The following CREBRF variants were observed in gnomAD, a reference collection of about 807,000 sequenced individuals.
The protein encoded by CREBRF is UPF0474 protein C5orf41.
A neutral mutation model predicts 66.1 loss-of-function variants in CREBRF; 5 were observed. The observed-to-expected ratio is 0.08, with a 90% CI of 0.04 to 0.16. The LOEUF (loss-of-function observed/expected upper bound fraction) is 0.16, where lower values mean the gene tolerates loss of function less well. CREBRF is among the 10% of genes least tolerant of loss of function. The pLI is 1.00. For synonymous variants in CREBRF, 229 were observed against 264.4 expected (o/e 0.87, Z 1.30); for missense variants, 531 against 744.9 (o/e 0.71, Z 3.34).
At chr5:173,100,131 A>ATTT (rs1184133658) in intron 4 of CREBRF, among the ~76,000 whole-genome samples, 9 of 42,868 alleles carry the variant, frequency 2.1e-4, no homozygotes, top group Admixed American at 5.1e-4. Flanking sequence ...TATATATATA[A>ATTT]TTTTTTTTTT....
At chr5:173,117,205 C>T (rs1292598633) in intron 7 of CREBRF, among the ~76,000 whole-genome samples, 1 of 151,904 alleles carries the variant, frequency 6.6e-6, no homozygotes, top group African/African-American at 2.4e-5. Context: ...ATAGTGAAAT[C>T]CCATTTCTAC....
At chr5:173,110,012 A>G (rs1442161646) in intron 5 of CREBRF, 4 of 196,630 alleles carry the variant, frequency 2.0e-5, no homozygotes, top group Non-Finnish European at 4.2e-5. Context: ...CAAAGCAACA[A>G]AAGAAGAGCT....
At chr5:173,100,354 T>C (rs903126615) in intron 4 of CREBRF, among the ~76,000 whole-genome samples, 8 of 151,902 alleles carry the variant, frequency 5.3e-5, no homozygotes, top group African/African-American at 1.7e-4. Context: ...CATACCACTG[T>C]TACAGTATTA....
chr5:173,082,908 C>CAAAA lies in CREBRF; in HGVS notation c.9+2159_9+2162dup, dbSNP rs70984937. On this transcript the variant is annotated intron_variant, in intron 2 of 8. Transcript: ENST00000296953. Reference sequence around the variant, plus strand: ...TGAGCGACGGAGCGAGACTCTGTCTCAAAAAAAAAAAAAAAAAAAAAAAAA... The same window carrying CAAAA: ...TGAGCGACGGAGCGAGACTCTGTCTCAAAAAAAAAAAAAAAAAAAAAAAAAAAAA... Among the ~76,000 whole-genome samples the CAAAA allele has an allele frequency of 2.4e-4, 7 of 29,018 alleles. 2 individuals carry two copies. The highest frequency in any genetic ancestry group is 3.0e-4 in the Non-Finnish European group (5 of 16,430). The allele number at this position is 29,018 out of a possible 152,430, so 19.0% of individuals were successfully genotyped here. A position where few individuals can be genotyped will look rare whatever the true frequency, so the allele number is the denominator to read the frequency against.
intron 1 of CREBRF, among the ~76,000 whole-genome samples, chr5:173,075,515 AAAAGG>A (rs1263624775): frequency 6.6e-6 from 1 of 152,186 alleles, no homozygotes; most frequent in African/African-American, 2.4e-5. Context: ...AGTAGTTTTC[AAAAGG>A]AAAGGAAAGG....
At chr5:173,125,502 T>C (rs564378443) in intron 8 of CREBRF, among the ~76,000 whole-genome samples, 36 of 152,204 alleles carry the variant, frequency 2.4e-4, no homozygotes, top group Non-Finnish European at 4.6e-4. Flanking sequence ...TCCTCTGAAC[T>C]TTTAAAAGAA....
chr5:173,057,660 G>A (rs1326702780), intron 1 of CREBRF: 1 of 152,208 alleles, frequency 6.6e-6, no homozygotes, highest in East Asian at 1.9e-4. Flanking sequence ...GAGCTGGCTT[G>A]AGCCTTAAGA....
chr5:173,112,941 A>G (rs1758903088), intron 7 of CREBRF, among the ~76,000 whole-genome samples: 1 of 152,224 alleles, frequency 6.6e-6, no homozygotes, highest in Admixed American at 6.5e-5. Context: ...TCTGAATTAG[A>G]TTGTGTACAA....
At chr5:173,086,402 G>T (rs1758148909) in intron 2 of CREBRF, 99 bp from the exon 3 acceptor site, 8 of 1,078,628 alleles carry the variant, frequency 7.4e-6, no homozygotes, top group Non-Finnish European at 1.1e-5. Context: ...TTTCTGAAAA[G>T]AATAAGTTAC....
At position 173,082,003 on chromosome 5, in the gene CREBRF, G is replaced by GTTT. The variant is rs869148787; in HGVS notation, c.9+1245_9+1247dup. On this transcript the variant is annotated intron_variant, in intron 2 of 8. Coordinates refer to ENST00000296953, the MANE Select transcript of CREBRF (RefSeq NM_153607.3). ...AGAGTGGTTGCCCATTCAAGGTTTA[G>GTTT]TTTTTTTTTTTTTTTTTTTTTTTTT... Among the ~76,000 whole-genome samples the GTTT allele has an allele frequency of 4.4e-4, 34 of 78,074 alleles. 1 individual carries two copies. The highest frequency in any genetic ancestry group is 1.0e-3 in the African/African-American group (21 of 20,432). 51.2% of individuals were successfully genotyped at this position (78,074 alleles called of 152,430 possible). A position where few individuals can be genotyped will look rare whatever the true frequency, so the allele number is the denominator to read the frequency against.
At chr5:173,104,071 A>G (rs1462933935) in intron 4 of CREBRF, among the ~76,000 whole-genome samples, 1 of 152,208 alleles carries the variant, frequency 6.6e-6, no homozygotes, top group African/African-American at 2.4e-5. Context: ...TATATTAGGT[A>G]CTGGCTATAC....
At chr5:173,094,991 T>G (rs1758442254) in intron 4 of CREBRF, among the ~76,000 whole-genome samples, 1 of 152,100 alleles carries the variant, frequency 6.6e-6, no homozygotes, top group Non-Finnish European at 1.5e-5. Flanking sequence ...AGTGTCATTA[T>G]TTTGCCTTTG....
rs1167760680 is a variant in CREBRF at position 173,077,262 on chromosome 5, A to G, written c.-191-3323A>G. ...CCTGGCCTGTATTCAGGCATTTCTT[A>G]CCTAAAAAACGTAAAAAAAATTTTT... On this transcript the variant is annotated intron_variant, in intron 1 of 8. Coordinates refer to ENST00000296953, the MANE Select transcript of CREBRF (RefSeq NM_153607.3). Among the ~76,000 whole-genome samples, 3 of 152,126 alleles carry G rather than the reference A, an allele frequency of 2.0e-5. No homozygotes were observed. The East Asian group carries it at 5.8e-4, about 29-fold the overall frequency.
chr5:173,124,599 T>G (rs912585254), intron 8 of CREBRF: 7 of 151,354 alleles, frequency 4.6e-5, no homozygotes, highest in Non-Finnish European at 1.0e-4. Context: ...AAGCCAATAT[T>G]GACTAATTAT....
In CREBRF at chr5:173,135,482, T is replaced by G. The variant is rs1337019433; in HGVS notation, c.*1737T>G. 2.0e-5 allele frequency: 3 copies of G among 152,394 alleles called. No individual in the cohort carries two copies. The allele number at this position is 152,394 out of a possible 1,614,324, so 9.4% of individuals were successfully genotyped here. On this transcript the variant is annotated 3_prime_UTR_variant, in exon 9 of 9. Coordinates refer to ENST00000296953, the MANE Select transcript of CREBRF (RefSeq NM_153607.3). The stretch of plus-strand genomic sequence containing the variant: ...CTTACTGTTTTATTCTCAAATCTTG[T>G]GCTTTGAACTCTGAAAACTGGTGGC...
At chr5:173,105,522 G>C (rs1345927284) in intron 4 of CREBRF, among the ~76,000 whole-genome samples, 2 of 152,048 alleles carry the variant, frequency 1.3e-5, no homozygotes, top group Non-Finnish European at 2.9e-5. Flanking sequence ...CCAGGTTGGA[G>C]TGCAGTGGTA....
chr5:173,084,012 G>T (rs902429419), intron 2 of CREBRF, among the ~76,000 whole-genome samples: 2 of 152,192 alleles, frequency 1.3e-5, no homozygotes, highest in Admixed American at 1.3e-4. Context: ...GAAAGTCACA[G>T]TCACATACAG....
At chr5:173,098,409 AATTTCCTTCTG>A (rs1758531265) in intron 4 of CREBRF, among the ~76,000 whole-genome samples, 2 of 151,948 alleles carry the variant, frequency 1.3e-5, no homozygotes, top group Non-Finnish European at 1.5e-5. Context: ...GGATGGTCTC[AATTTCCTTCTG>A]ATTTCCTTCT....
At chr5:173,130,726 T>C (rs555762190) in intron 8 of CREBRF, among the ~76,000 whole-genome samples, 2 of 152,188 alleles carry the variant, frequency 1.3e-5, no homozygotes, top group South Asian at 2.1e-4. Context: ...ATTTTTATTT[T>C]TGAAATGGAG....
Sources: gnomAD v4.1 joint callset for allele counts (sites outside exome capture counted in the v4.1 genomes callset) on GRCh38, gnomAD v4.1.1 for gene constraint, MANE v1.5 for transcripts, NCBI Gene and HGNC (gene_info 2026-07-23, HGNC 2026-07-21) for gene names.